The following RTN1 variants were observed in gnomAD, a reference collection of about 807,000 sequenced individuals.
RTN1 encodes the protein reticulon-1.
In RTN1, 25 loss-of-function variants were observed where a neutral mutation model predicts 65.5. That is an observed-to-expected ratio of 0.38 (90% confidence interval 0.28 to 0.53). RTN1 has a LOEUF of 0.53. Among genes scored for constraint, RTN1 ranks in the 20% least tolerant of loss-of-function variants. The pLI is 0.79. For synonymous variants in RTN1, 471 were observed against 447.6 expected, an observed-to-expected ratio of 1.05 and a Z score of -0.66; for missense variants, 983 against 1,025.4, an observed-to-expected ratio of 0.96 and a Z score of 0.57.
chr14:59,626,829 G>A (rs1007556606), intron 3 of RTN1, among the ~76,000 whole-genome samples: 2 of 152,148 alleles, frequency 1.3e-5, no homozygotes, highest in African/African-American at 4.8e-5. Flanking sequence ...TAATATTTAC[G>A]GAGAATTTAG....
intron 3 of RTN1, 80 bp from the exon 4 acceptor site, chr14:59,607,572 G>T: frequency 8.1e-7 from 1 of 1,234,118 alleles, no homozygotes. Flanking sequence ...CCACCAAGCT[G>T]TGGTTGCTGT....
At chr14:59,746,507 G>A (rs1326787109) in intron 1 of RTN1, 26 bp from the exon 2 acceptor site, 1 of 1,538,854 alleles carries the variant, frequency 6.5e-7, no homozygotes, top group Non-Finnish European at 8.7e-7. Flanking sequence ...GCAGCAGACA[G>A]TGAGTGGGTG....
rs1885223137 is a variant in RTN1 at position 59,746,283 on chromosome 14, C to A, written c.440G>T (p.Gly147Val). 1.2e-6 allele frequency: 2 copies of A among 1,613,252 alleles called. No individual in the cohort carries two copies. The highest frequency in any genetic ancestry group is 2.2e-5 in the South Asian group (2 of 90,968). Reference protein sequence around the residue: ...SESPEELGTPGPSLPDVPGIE... With the variant: ...SESPEELGTPVPSLPDVPGIE... ...CCCAGGCACATCTGGTAAGGAGGGG[C>A]CGGGTGTACCCAGCTCCTCAGGGCT... Residue 147 changes from glycine to valine, a missense_variant, in exon 2 of 9, where the codon GGC becomes GTC. Gly to Val is a moderately radical substitution (Grantham distance 109). Transcript: ENST00000267484.
At chr14:59,867,154 T>C (rs771364620) in intron 1 of RTN1, among the ~76,000 whole-genome samples, 7 of 152,240 alleles carry the variant, frequency 4.6e-5, no homozygotes, top group African/African-American at 7.2e-5. Flanking sequence ...TTAACCTCTA[T>C]TTCATTTTGT....
intron 1 of RTN1, among the ~76,000 whole-genome samples, chr14:59,749,111 TATATATATATATAG>T (rs1566710768): frequency 0.03 from 1,733 of 57,140 alleles, 531 homozygotes; most frequent in African/African-American, 0.17. Flanking sequence ...TCTATATATA[TATATATATATATAG>T]ATATATCTAT....
rs1354356231 is a variant in RTN1 at position 59,846,223 on chromosome 14, T to G, written c.241+24167A>C. 6.6e-6 allele frequency among the ~76,000 whole-genome samples: 1 copy of G among 152,140 alleles called. No individual in the cohort carries two copies. ...ACTTCTTCCTTACCCCACTGGTGCT[T>G]TTTTGTGGAAGAAGAAACAGAATGA... On this transcript the variant is annotated intron_variant, in intron 1 of 8. Coordinates refer to ENST00000267484, the MANE Select transcript of RTN1 (RefSeq NM_021136.3). This position sits in a 1 kb window ranked among gnomAD's most constrained non-coding sequence, Gnocchi z 4.8.
intron 1 of RTN1, among the ~76,000 whole-genome samples, chr14:59,786,314 G>T (rs1031848353): frequency 6.6e-6 from 1 of 152,164 alleles, no homozygotes; most frequent in Non-Finnish European, 1.5e-5. Context: ...AACTTTTAGA[G>T]CCTTAATTCA....
At chr14:59,806,411 G>GA (rs1886638423) in intron 1 of RTN1, among the ~76,000 whole-genome samples, 2 of 151,912 alleles carry the variant, frequency 1.3e-5, no homozygotes, top group South Asian at 2.1e-4. Context: ...TAATGCAGCA[G>GA]AAAAAAACAT....
At chr14:59,699,418 A>C (rs569194778) in intron 3 of RTN1, among the ~76,000 whole-genome samples, 13 of 152,272 alleles carry the variant, frequency 8.5e-5, no homozygotes, top group African/African-American at 3.1e-4. Flanking sequence ...AACAAAACAA[A>C]ACTTGTTCCA....
intron 3 of RTN1, among the ~76,000 whole-genome samples, chr14:59,717,759 A>G (rs1367853478): frequency 6.6e-6 from 1 of 152,220 alleles, no homozygotes; most frequent in African/African-American, 2.4e-5. Flanking sequence ...TACCCACAAG[A>G]ACCATTTAAA....
Position 59,819,425 on chromosome 14 carries a change from ACCCCCCACCCCCCCC to A in RTN1, c.241+50950_241+50964del, listed in dbSNP as rs747237183. On this transcript the variant is annotated intron_variant, in intron 1 of 8. Coordinates refer to ENST00000267484, the MANE Select transcript of RTN1 (RefSeq NM_021136.3). ...TCCACACCACCACCACCCCCCCCCC[ACCCCCCACCCCCCCC>A]CCCCGGCCACAGCTAGACACAGAGT... Among the ~76,000 whole-genome samples, 51 of 14,832 alleles carry A rather than the reference ACCCCCCACCCCCCCC, an allele frequency of 3.4e-3. 9 individuals carry two copies. Among genetic ancestry groups the A allele is most frequent in the Admixed American group, 4.9e-3 (8 of 1,618 alleles). The allele number at this position is 14,832 out of a possible 152,430, so 9.7% of individuals were successfully genotyped here.
intron 3 of RTN1, among the ~76,000 whole-genome samples, chr14:59,697,933 T>C (rs966855633): frequency 6.6e-6 from 1 of 151,852 alleles, no homozygotes; most frequent in South Asian, 2.1e-4. Context: ...GAAAAGCGGG[T>C]TGGAGGAGGT....
chr14:59,822,548 C>T (rs558339608), intron 1 of RTN1, among the ~76,000 whole-genome samples: 3 of 152,224 alleles, frequency 2.0e-5, no homozygotes, highest in African/African-American at 7.2e-5. Flanking sequence ...TTTTCTTCTC[C>T]AAGCTTTGGG....
chr14:59,837,606 G>C (rs1887235791), intron 1 of RTN1, among the ~76,000 whole-genome samples: 2 of 151,812 alleles, frequency 1.3e-5, no homozygotes, highest in Admixed American at 1.3e-4. Context: ...AGAAATCCAA[G>C]TAAGTGATCT....
intron 1 of RTN1, among the ~76,000 whole-genome samples, chr14:59,814,058 G>A (rs1886776189): frequency 6.6e-6 from 1 of 152,180 alleles, no homozygotes; most frequent in Non-Finnish European, 1.5e-5. Context: ...GGACTCCTGT[G>A]AAGCCCAGAG....
Position 59,750,060 on chromosome 14 carries a change from ATATAT to A in RTN1, c.242-3584_242-3580del, listed in dbSNP as rs1479986776. On this transcript the variant is annotated intron_variant, in intron 1 of 8. Transcript: ENST00000267484. ...ATATATTATATATTATATTATATAC[ATATAT>A]TATATATTATATATTATAGACATAT... Among the ~76,000 whole-genome samples the A allele has an allele frequency of 6.2e-4, 21 of 33,784 alleles. No individual in the cohort carries two copies. The East Asian group carries it at 8.4e-3, about 13-fold the overall frequency. 22.2% of individuals were successfully genotyped at this position (33,784 alleles called of 152,430 possible).
At chr14:59,709,676 A>C (rs1200098537) in intron 3 of RTN1, among the ~76,000 whole-genome samples, 1 of 152,270 alleles carries the variant, frequency 6.6e-6, no homozygotes, top group Non-Finnish European at 1.5e-5. Context: ...GCAGACAAAA[A>C]ATTGCCCTGA....
intron 1 of RTN1, among the ~76,000 whole-genome samples, chr14:59,801,255 C>T (rs1886540814): frequency 6.6e-6 from 1 of 152,116 alleles, no homozygotes; most frequent in African/African-American, 2.4e-5. Context: ...CCCTAGGAGA[C>T]TCCAAGCAGG....
At chr14:59,663,781 C>T (rs568533922) in intron 3 of RTN1, among the ~76,000 whole-genome samples, 60 of 152,188 alleles carry the variant, frequency 3.9e-4, no homozygotes, top group South Asian at 2.7e-3. Context: ...AATGAGATAC[C>T]ATCTCATGCC....
Sources: allele counts gnomAD v4.1 joint callset (sites outside exome capture counted in the v4.1 genomes callset), GRCh38; gene constraint gnomAD v4.1.1; non-coding constraint Gnocchi (gnomAD v3.1); transcripts MANE v1.5; gene names NCBI Gene and HGNC (gene_info 2026-07-23, HGNC 2026-07-21).